Variants in FBXL7 observed in about 807,000 individuals in gnomAD.
FBXL7 encodes F-box and leucine rich repeat protein 7, also known as F-box/LRR-repeat protein 7.
FBXL7 carries 12 observed loss-of-function variants against 38.3 expected under a neutral mutation model. The ratio of observed to expected loss-of-function variants is 0.31; its 90% CI spans 0.20 to 0.51. The LOEUF (loss-of-function observed/expected upper bound fraction) is 0.51. Ranked by LOEUF, FBXL7 falls within the 20% of genes least tolerant of loss-of-function variation. FBXL7 has a pLI of 0.98. For missense variants in FBXL7, 567 were observed against 676.4 expected, an observed-to-expected ratio of 0.84 and a Z score of 1.79; for synonymous variants, 297 against 300.9, an observed-to-expected ratio of 0.99 and a Z score of 0.13.
intron 2 of FBXL7, among the ~76,000 whole-genome samples, chr5:15,795,117 A>G (rs776756194): frequency 3.9e-5 from 6 of 152,142 alleles, no homozygotes; most frequent in Admixed American, 3.3e-4. Flanking sequence ...CCCTATGTCC[A>G]GTCTGGTTTC....
At chr5:15,668,070 C>T (rs1742343335) in intron 2 of FBXL7, among the ~76,000 whole-genome samples, 1 of 152,152 alleles carries the variant, frequency 6.6e-6, no homozygotes, top group African/African-American at 2.4e-5. Flanking sequence ...CTACAATTGC[C>T]AACACCTTGC....
intron 2 of FBXL7, among the ~76,000 whole-genome samples, chr5:15,881,892 T>C (rs1452148902): frequency 1.3e-5 from 2 of 152,180 alleles, no homozygotes; most frequent in Admixed American, 1.3e-4. Context: ...TCTAATTGGC[T>C]CATGGTTCTT....
chr5:15,613,563 TAGTG>T (rs754829646), intron 1 of FBXL7, among the ~76,000 whole-genome samples: 3 of 152,132 alleles, frequency 2.0e-5, no homozygotes, highest in Non-Finnish European at 4.4e-5. Context: ...CAATGGGTGA[TAGTG>T]AGAGGAAATG....
chr5:15,564,591 CA>C (rs34448957), intron 1 of FBXL7, among the ~76,000 whole-genome samples: 1,619 of 152,062 alleles, frequency 0.011, 30 homozygotes, highest in African/African-American at 0.037. Flanking sequence ...AAGAAACCAA[CA>C]AAACCTTGGA....
intron 2 of FBXL7, among the ~76,000 whole-genome samples, chr5:15,821,884 T>C (rs942837554): frequency 1.3e-5 from 2 of 152,270 alleles, no homozygotes; most frequent in East Asian, 3.9e-4. Flanking sequence ...CTGAATTAGC[T>C]AATCTCTAAT....
At chr5:15,724,264 G>A (rs527980487) in intron 2 of FBXL7, among the ~76,000 whole-genome samples, 2 of 152,152 alleles carry the variant, frequency 1.3e-5, no homozygotes, top group East Asian at 3.9e-4. Context: ...TTAAAAAAAT[G>A]TTTATTTCAA....
At chr5:15,775,196 G>A (rs1736828069) in intron 2 of FBXL7, among the ~76,000 whole-genome samples, 1 of 152,134 alleles carries the variant, frequency 6.6e-6, no homozygotes, top group Non-Finnish European at 1.5e-5. Context: ...AGAAAGATAG[G>A]GAAGATGTAG....
At chr5:15,569,022 G>A (rs572934271) in intron 1 of FBXL7, among the ~76,000 whole-genome samples, 13 of 152,282 alleles carry the variant, frequency 8.5e-5, no homozygotes, top group South Asian at 6.2e-4. Flanking sequence ...GTCAGGTAGC[G>A]TGATGCCTCC....
chr5:15,502,185 G>C (rs1736512071), intron 1 of FBXL7, among the ~76,000 whole-genome samples: 1 of 152,086 alleles, frequency 6.6e-6, no homozygotes, highest in Non-Finnish European at 1.5e-5. Context: ...ACTGTCGGGG[G>C]GAGAAAGACA....
chr5:15,509,708 C>T (rs1490905145), intron 1 of FBXL7, among the ~76,000 whole-genome samples: 1 of 152,200 alleles, frequency 6.6e-6, no homozygotes, highest in Admixed American at 6.5e-5. Flanking sequence ...TGGTTATCCT[C>T]AAAACCATCA....
intron 2 of FBXL7, among the ~76,000 whole-genome samples, chr5:15,668,018 A>G (rs1447460215): frequency 6.6e-6 from 1 of 152,176 alleles, no homozygotes; most frequent in African/African-American, 2.4e-5. Context: ...GCAGACTAGT[A>G]AAGATTCATT....
chr5:15,799,861 A>G (rs1737515385), intron 2 of FBXL7, among the ~76,000 whole-genome samples: 1 of 152,102 alleles, frequency 6.6e-6, no homozygotes, highest in African/African-American at 2.4e-5. Flanking sequence ...ACCAGTTCCA[A>G]CCAGGTCACA....
chr5:15,523,634 A>G (rs1049128418), intron 1 of FBXL7, among the ~76,000 whole-genome samples: 6 of 151,784 alleles, frequency 4.0e-5, no homozygotes, highest in African/African-American at 1.5e-4. Flanking sequence ...TTTGTAAGTC[A>G]TCCAGGGTGA....
intron 2 of FBXL7, among the ~76,000 whole-genome samples, chr5:15,820,561 G>A (rs1207556578): frequency 6.6e-6 from 1 of 152,094 alleles, no homozygotes; most frequent in Non-Finnish European, 1.5e-5. Context: ...ATGTTTGTGG[G>A]TTTCTTCCAC....
At chr5:15,816,807 GCAA>G (rs1483321028) in intron 2 of FBXL7, among the ~76,000 whole-genome samples, 3 of 152,104 alleles carry the variant, frequency 2.0e-5, no homozygotes, top group Non-Finnish European at 4.4e-5. Context: ...TATTGTGATG[GCAA>G]CAGTGTTGAT....
intron 2 of FBXL7, among the ~76,000 whole-genome samples, chr5:15,684,440 A>G (rs146638313): frequency 6.6e-6 from 1 of 152,348 alleles, no homozygotes; most frequent in Non-Finnish European, 1.5e-5. Context: ...GACCAATTTT[A>G]GGAAAATGAA....
At chr5:15,731,279 G>C (rs757830260) in intron 2 of FBXL7, among the ~76,000 whole-genome samples, 1 of 152,186 alleles carries the variant, frequency 6.6e-6, no homozygotes, top group Non-Finnish European at 1.5e-5. Context: ...ACAGTTCCAC[G>C]TGGCTAGGGA....
At chr5:15,552,770 T>C (rs900455232) in intron 1 of FBXL7, among the ~76,000 whole-genome samples, 1 of 152,130 alleles carries the variant, frequency 6.6e-6, no homozygotes, top group African/African-American at 2.4e-5. Flanking sequence ...GATCTTAGGA[T>C]AAGTACCATA....
chr5:15,557,050 G>T (rs1260256662), intron 1 of FBXL7, among the ~76,000 whole-genome samples: 1 of 152,174 alleles, frequency 6.6e-6, no homozygotes, highest in Non-Finnish European at 1.5e-5. Context: ...CCATTCTCCT[G>T]TCTCAGCCTC....
Sources: gnomAD v4.1 joint callset for allele counts (sites outside exome capture counted in the v4.1 genomes callset) on GRCh38, gnomAD v4.1.1 for gene constraint, MANE v1.5 for transcripts, NCBI Gene and HGNC (gene_info 2026-07-23, HGNC 2026-07-21) for gene names.